BMS1: variants seen among roughly 807,000 people sequenced by gnomAD.
BMS1 encodes the protein BMS1 ribosome biogenesis factor.
In BMS1, 53 loss-of-function variants were observed where a neutral mutation model predicts 138.7. The ratio of observed to expected loss-of-function variants is 0.38; its 90% CI spans 0.31 to 0.48. The LOEUF is 0.48. BMS1 is among the 20% of genes least tolerant of loss of function. The pLI is 0.97. For missense variants in BMS1, 1,360 were observed against 1,565.5 expected (o/e 0.87, Z 2.22); for synonymous variants, 504 against 539.9 (o/e 0.93, Z 0.92).
chr10:42,806,283 A>G (rs1433780159), intron 13 of BMS1, among the ~76,000 whole-genome samples: 1 of 152,214 alleles, frequency 6.6e-6, no homozygotes, highest in Non-Finnish European at 1.5e-5. Flanking sequence ...AAAGGCTGAG[A>G]TAGATCCCAG....
chr10:42,817,580 T>C, intron 15 of BMS1, 86 bp downstream of exon 15: 1 of 1,314,204 alleles, frequency 7.6e-7, no homozygotes. Flanking sequence ...CCCTACGTCC[T>C]ATCCTGCTTC....
At chr10:42,818,239 G>A (rs922406752) in intron 15 of BMS1, among the ~76,000 whole-genome samples, 3 of 152,214 alleles carry the variant, frequency 2.0e-5, no homozygotes, top group Non-Finnish European at 4.4e-5. Context: ...TTAGCTTAGT[G>A]GTTGCTAGTC....
intron 13 of BMS1, among the ~76,000 whole-genome samples, chr10:42,807,556 G>A (rs764630476): frequency 2.0e-5 from 3 of 152,008 alleles, no homozygotes; most frequent in African/African-American, 4.8e-5. Flanking sequence ...CTGCAGCCTC[G>A]ACCTCCTAGG....
At position 42,832,347 on chromosome 10, in the gene BMS1, C is replaced by T. The variant is rs527429837; in HGVS notation, c.*1251C>T. On this transcript the variant is annotated 3_prime_UTR_variant, in exon 23 of 23. Transcript: ENST00000374518. ...GGCTGAGGTAGGAGGATCACTTGAG[C>T]TTGGGAGGTTGAGGCTGCAGTGAGC... is the stretch of plus-strand genomic sequence containing the variant. 6 of 152,120 alleles carry T rather than the reference C, an allele frequency of 3.9e-5. No individual in the cohort carries two copies. Among genetic ancestry groups the T allele is most frequent in the African/African-American group, 1.4e-4 (6 of 41,482 alleles). 9.4% of individuals were successfully genotyped at this position (152,120 alleles called of 1,614,324 possible).
rs764465097 is a variant in BMS1, at chr10:42,793,825, C to T, written c.1090-27C>T. The T allele has an allele frequency of 1.8e-5, 29 of 1,596,274 alleles. 1 individual carries two copies. Among genetic ancestry groups the T allele is most frequent in the South Asian group, 1.0e-4 (9 of 89,526 alleles). On this transcript the variant is annotated intron_variant, in intron 8 of 22. Transcript: ENST00000374518. ...CTCCAGGATCTTTGTGCTTTCCTCA[C>T]GTGCCCTTTCTTGGTGGTCTTGACA...
chr10:42,820,439 T>C lies in BMS1; in HGVS notation c.2769+15T>C, dbSNP rs763294438. ...GCTACGTGCAGGTGGGTCCCTTTGC[T>C]ACATATTTGGTGCCTGAGGCTCTGT... On this transcript the variant is annotated intron_variant, in intron 16 of 22. Coordinates refer to ENST00000374518, the MANE Select transcript of BMS1 (RefSeq NM_014753.4). 6.2e-6 allele frequency: 10 copies of C among 1,612,884 alleles called. No homozygotes were observed. The South Asian group carries it at 9.9e-5, about 16-fold the overall frequency.
Position 42,796,565 on chromosome 10 carries a change from G to A in BMS1, c.1321G>A (p.Asp441Asn). Residue 441 changes from aspartate (D) to asparagine (N), a missense_variant, in exon 10 of 23, where the codon GAT becomes AAT. Asp to Asn is a conservative substitution (Grantham distance 23, BLOSUM62 1). Transcript: ENST00000374518. ...AIFGDEDESG[D>N]SDDEEDDEMS... ...TTTCGGAGATGAAGATGAATCTGGAGATAGTGATGATGAAGAAGATGATGA... is the reference window on the plus strand; with the variant it reads ...TTTCGGAGATGAAGATGAATCTGGAAATAGTGATGATGAAGAAGATGATGA... 6.2e-7 allele frequency: 1 copy of A among 1,614,216 alleles called. No homozygotes were observed. The highest frequency in any genetic ancestry group is 8.5e-7 in the Non-Finnish European group (1 of 1,180,038).
chr10:42,821,706 T>G (rs1403780260), intron 18 of BMS1, among the ~76,000 whole-genome samples: 9 of 151,856 alleles, frequency 5.9e-5, no homozygotes, highest in Non-Finnish European at 1.3e-4. Flanking sequence ...GTGTGCACCA[T>G]CATGCTGAGC....
At chr10:42,830,677 C>A (rs1308461672) in intron 22 of BMS1, among the ~76,000 whole-genome samples, 189 bp from the exon 23 acceptor site, 1 of 152,048 alleles carries the variant, frequency 6.6e-6, no homozygotes. Flanking sequence ...GAATGATGAA[C>A]AGAGGTGGTA....
chr10:42,810,834 A>G (rs1342562120), intron 13 of BMS1, among the ~76,000 whole-genome samples: 1 of 152,030 alleles, frequency 6.6e-6, no homozygotes, highest in Admixed American at 6.6e-5. Flanking sequence ...TGTTTAGAGT[A>G]TTTGCTTAAT....
At chr10:42,826,505 G>A (rs1186063921) in intron 21 of BMS1, among the ~76,000 whole-genome samples, 1 of 152,190 alleles carries the variant, frequency 6.6e-6, no homozygotes, top group East Asian at 1.9e-4. Flanking sequence ...AAGGACCCCA[G>A]AATGATGGAG....
intron 15 of BMS1, among the ~76,000 whole-genome samples, chr10:42,819,573 G>A (rs1842443700): frequency 6.6e-6 from 1 of 152,182 alleles, no homozygotes; most frequent in Non-Finnish European, 1.5e-5. Context: ...TCAGCTGAGT[G>A]AAGGTGAGGG....
chr10:42,822,766 A>C (rs561087313), intron 19 of BMS1, among the ~76,000 whole-genome samples: 2 of 152,198 alleles, frequency 1.3e-5, no homozygotes, highest in Non-Finnish European at 2.9e-5. Context: ...TTCATGTTCT[A>C]AGTGCATGCA....
In BMS1 at chr10:42,823,706, G is replaced by A. The variant is rs1428738256; in HGVS notation, c.3378G>A (p.Trp1126Ter). The change falls in exon 21 of 23, where the codon TGG becomes TGA. Residue 1126 changes from tryptophan (W) to a stop codon, truncating the protein, a stop_gained. Coordinates refer to ENST00000374518, the MANE Select transcript of BMS1 (RefSeq NM_014753.4). LOFTEE classifies it high-confidence loss of function. ...LLKPVGEKDT[W>*]SGMRTTGQLR... ...AACCAGTGGGTGAGAAAGACACCTG[G>A]TCAGGAATGCGGACCACGGGCCAAC... 3 of 1,596,152 alleles carry A rather than the reference G, an allele frequency of 1.9e-6. No homozygotes were observed. The South Asian group carries it at 3.3e-5, about 18-fold the overall frequency.
At chr10:42,796,420 G>C in intron 9 of BMS1, 54 bp from the exon 10 acceptor site, 1 of 1,525,662 alleles carries the variant, frequency 6.6e-7, no homozygotes, top group Non-Finnish European at 8.9e-7. Context: ...GCCATTTCTA[G>C]ATTAGCTGAT....
At chr10:42,802,365 CT>C in intron 13 of BMS1, 147 bp downstream of exon 13, 1 of 611,988 alleles carries the variant, frequency 1.6e-6, no homozygotes, top group Non-Finnish European at 2.6e-6. Flanking sequence ...AGGTAATATT[CT>C]GGGTTTTCCT....
rs1296635908 is a variant in BMS1 at position 42,802,238 on chromosome 10, C to A, written c.2329+20C>A. 2 of 1,604,846 alleles carry A rather than the reference C, an allele frequency of 1.2e-6. No homozygotes were observed. Among genetic ancestry groups the A allele is most frequent in the Admixed American group, 3.4e-5 (2 of 59,316 alleles). On this transcript the variant is annotated intron_variant, in intron 13 of 22. Coordinates refer to ENST00000374518, the MANE Select transcript of BMS1 (RefSeq NM_014753.4). ...AAGATGGTAAGTAAAGAGCTGGGTT[C>A]TTCAGGAAGACTGGCTTCTCTAAAC...
Position 42,784,425 on chromosome 10 carries a change from A to C in BMS1, c.31A>C (p.Lys11Gln). 1 of 1,611,496 alleles carries C rather than the reference A, an allele frequency of 6.2e-7. No homozygotes were observed. Among genetic ancestry groups the C allele is most frequent in the Non-Finnish European group, 8.5e-7 (1 of 1,179,678 alleles). MEAKDQKKHR[K>Q]KNSGPKAAKK... ...GGCTAAGGACCAGAAGAAACACAGA[A>C]AGAAAAACAGTGGACCCAAAGCTGC... The change falls in exon 2 of 23, where the codon AAG becomes CAG. Residue 11 changes from lysine (K) to glutamine (Q), a missense_variant. Physicochemically the swap from Lys to Gln is moderately conservative, Grantham distance 53. Transcript: ENST00000374518.
At chr10:42,784,312 G>A in intron 1 of BMS1, 50 bp from the exon 2 acceptor site, 2 of 1,287,882 alleles carry the variant, frequency 1.6e-6, no homozygotes, top group East Asian at 2.4e-5. Context: ...GTATTGCCTG[G>A]ATTGTAAAAT....
Sources: allele counts gnomAD v4.1 joint callset (sites outside exome capture counted in the v4.1 genomes callset), GRCh38; gene constraint gnomAD v4.1.1; transcripts MANE v1.5; gene names NCBI Gene and HGNC (gene_info 2026-07-23, HGNC 2026-07-21).